Variants in CDC7 observed in about 807,000 individuals in gnomAD.
The protein encoded by CDC7 is cell division cycle 7-related protein kinase.
CDC7 carries 34 observed loss-of-function variants against 53.5 expected under a neutral mutation model. The ratio of observed to expected loss-of-function variants is 0.64; its 90% confidence interval spans 0.48 to 0.85. The LOEUF (loss-of-function observed/expected upper bound fraction) is 0.85. Among genes scored for constraint, CDC7 ranks in the 40% least tolerant of loss-of-function variants. The pLI is 0.00. For synonymous variants in CDC7, 211 were observed against 222.8 expected, an observed-to-expected ratio of 0.95 and a Z score of 0.47; for missense variants, 594 against 679.7, an observed-to-expected ratio of 0.87 and a Z score of 1.40.
chr1:91,525,694 C>T lies in CDC7; in HGVS notation c.*1259C>T, dbSNP rs1260190122. ...CCATTACCATTGATCTGTCTTATGC[C>T]ATAATCTTAAAAAAAATTTGAATGC... On this transcript the variant is annotated 3_prime_UTR_variant, in exon 12 of 12. Coordinates refer to ENST00000234626, the MANE Select transcript of CDC7 (RefSeq NM_003503.4). 1 of 151,250 alleles carries T rather than the reference C, an allele frequency of 6.6e-6. No homozygotes were observed. Among genetic ancestry groups the T allele is most frequent in the Non-Finnish European group, 1.5e-5 (1 of 67,752 alleles). 9.4% of individuals were successfully genotyped at this position (151,250 alleles called of 1,614,324 possible).
chr1:91,515,927 G>T (rs13447519), intron 10 of CDC7, 51 bp downstream of exon 10: 1 of 1,388,444 alleles, frequency 7.2e-7, no homozygotes. Context: ...TGTTCCAGAC[G>T]TATTTTATTT....
chr1:91,521,849 A>G (rs1667964112), intron 11 of CDC7, among the ~76,000 whole-genome samples: 1 of 151,060 alleles, frequency 6.6e-6, no homozygotes, highest in African/African-American at 2.4e-5. Context: ...TTAGAGATTT[A>G]TCATTGTAAT....
chr1:91,509,237 C>T (rs531100873), intron 4 of CDC7, among the ~76,000 whole-genome samples: 3 of 152,156 alleles, frequency 2.0e-5, no homozygotes, highest in African/African-American at 7.2e-5. Context: ...TAATGATTCC[C>T]AAAAGTATAT....
chr1:91,504,432 G>T (rs906440434), intron 2 of CDC7, among the ~76,000 whole-genome samples: 23 of 151,722 alleles, frequency 1.5e-4, no homozygotes, highest in African/African-American at 5.6e-4. Context: ...TTTTTTTTAA[G>T]TATCTACTAT....
At chr1:91,501,927 TAAAGTGAATTGTATG>T in intron 2 of CDC7, 96 bp downstream of exon 2, 4 of 887,668 alleles carry the variant, frequency 4.5e-6, no homozygotes, top group Non-Finnish European at 7.2e-6. Flanking sequence ...TTGAATCTTA[TAAAGTGAATTGTATG>T]TTTCTATAGG....
rs1301583185 is a variant in CDC7 at position 91,524,855 on chromosome 1, C to T, written c.*420C>T. ...CTAGGTATAGTTTGGGGAAACTCAACCTGGTGCTGGTGCTCTTAACAATTT... is the reference window on the plus strand; with the variant it reads ...CTAGGTATAGTTTGGGGAAACTCAATCTGGTGCTGGTGCTCTTAACAATTT... On this transcript the variant is annotated 3_prime_UTR_variant, in exon 12 of 12. Coordinates refer to ENST00000234626, the MANE Select transcript of CDC7 (RefSeq NM_003503.4). 1.9e-5 allele frequency: 3 copies of T among 154,872 alleles called. No homozygotes were observed. The highest frequency in any genetic ancestry group is 7.3e-5 in the African/African-American group (3 of 41,320). 9.6% of individuals were successfully genotyped at this position (154,872 alleles called of 1,614,324 possible).
At chr1:91,506,183 T>C (rs907000892) in intron 2 of CDC7, among the ~76,000 whole-genome samples, 11 of 151,940 alleles carry the variant, frequency 7.2e-5, no homozygotes, top group Admixed American at 6.6e-4. Context: ...TTTTGTTTGT[T>C]TGTTTGTTTT....
chr1:91,520,091 G>T (rs1458600374), intron 10 of CDC7, 39 bp from the exon 11 acceptor site: 11 of 1,489,496 alleles, frequency 7.4e-6, no homozygotes, highest in South Asian at 1.3e-5. Flanking sequence ...TAAAATTATA[G>T]ATTTGAAATT....
At chr1:91,508,041 C>A (rs1368915587) in intron 3 of CDC7, 104 bp downstream of exon 3, 3 of 1,009,886 alleles carry the variant, frequency 3.0e-6, no homozygotes, top group Non-Finnish European at 4.3e-6. Flanking sequence ...GAAAAATATA[C>A]CACTTTTTAG....
rs1333771903 is a variant in CDC7 at position 91,525,713 on chromosome 1, T to A, written c.*1278T>A. 1 of 151,958 alleles carries A rather than the reference T, an allele frequency of 6.6e-6. No individual in the cohort carries two copies. The highest frequency in any genetic ancestry group is 1.5e-5 in the Non-Finnish European group (1 of 67,918). 9.4% of individuals were successfully genotyped at this position (151,958 alleles called of 1,614,324 possible). A position where few individuals can be genotyped will look rare whatever the true frequency, so the allele number is the denominator to read the frequency against. ...TTATGCCATAATCTTAAAAAAAATTTGAATGCTCTTGAATTTGTATATTCA... is the reference window on the plus strand; with the variant it reads ...TTATGCCATAATCTTAAAAAAAATTAGAATGCTCTTGAATTTGTATATTCA... On this transcript the variant is annotated 3_prime_UTR_variant, in exon 12 of 12. Transcript: ENST00000234626.
intron 10 of CDC7, among the ~76,000 whole-genome samples, chr1:91,518,549 A>G (rs1397547301): frequency 1.3e-5 from 2 of 152,344 alleles, no homozygotes; most frequent in African/African-American, 2.4e-5. Flanking sequence ...TGGAAGTACT[A>G]TTCAGCCACG....
intron 2 of CDC7, among the ~76,000 whole-genome samples, chr1:91,502,590 T>C (rs1176655431): frequency 6.6e-6 from 1 of 152,234 alleles, no homozygotes; most frequent in Admixed American, 6.5e-5. Context: ...TGACATCACA[T>C]ACTTTCTGCT....
rs570397909 is a variant in CDC7, at chr1:91,511,644, A to C, written c.383A>C (p.Asp128Ala). The change falls in exon 5 of 12, where the codon GAT becomes GCT. Residue 128 changes from aspartate to alanine, a missense_variant. Transcript: ENST00000234626. ...GTTAAATACTGCTTTAGGAAGAATGATCATGTAGTTATTGCTATGCCATAT... is the reference window on the plus strand; with the variant it reads ...GTTAAATACTGCTTTAGGAAGAATGCTCATGTAGTTATTGCTATGCCATAT... ...MGVKYCFRKN[D>A]HVVIAMPYLE... The C allele has an allele frequency of 4.4e-5, 71 of 1,611,438 alleles. No homozygotes were observed. Among genetic ancestry groups the C allele is most frequent in the Non-Finnish European group, 5.9e-5 (70 of 1,178,158 alleles).
intron 11 of CDC7, among the ~76,000 whole-genome samples, chr1:91,521,772 C>T (rs912708733): frequency 3.3e-5 from 5 of 152,018 alleles, no homozygotes; most frequent in African/African-American, 1.2e-4. Context: ...TCAGGGCCAA[C>T]AATGGAAATA....
In CDC7 at chr1:91,513,950, G is replaced by C. The variant is rs1300330922; in HGVS notation, c.825G>C (p.Glu275Asp). 6.2e-7 allele frequency: 1 copy of C among 1,606,092 alleles called. No homozygotes were observed. Among genetic ancestry groups the C allele is most frequent in the South Asian group, 1.1e-5 (1 of 90,952 alleles). The change falls in exon 8 of 12, where the codon GAG (glutamate) becomes GAC (aspartate). Residue 275 changes from glutamate (E) to aspartate (D), a missense_variant and splice_region_variant. Physicochemically the swap from Glu to Asp is conservative, Grantham distance 45. Transcript: ENST00000234626. ...IQIKQGKDGK[E>D]GSVGLSVQRS... is the part of the protein sequence containing the mutation. The stretch of plus-strand genomic sequence containing the variant: ...CCTTGTTTTTGTTGGTATTGTAGGA[G>C]GGATCTGTAGGCCTTTCTGTCCAGC...
intron 11 of CDC7, among the ~76,000 whole-genome samples, chr1:91,523,631 G>A (rs1668103180): frequency 6.6e-6 from 1 of 152,136 alleles, no homozygotes; most frequent in Non-Finnish European, 1.5e-5. Context: ...GGGCACACAA[G>A]GGGTGCAGGG....
chr1:91,520,062 G>C, intron 10 of CDC7, 68 bp from the exon 11 acceptor site: 1 of 1,253,810 alleles, frequency 8.0e-7, no homozygotes, highest in Non-Finnish European at 1.1e-6. Flanking sequence ...TAAATGTTGA[G>C]GACTATTGAT....
In CDC7 at chr1:91,507,941, A is replaced by G; in HGVS notation, c.199+4A>G. ...ATTGAGGACAAAATTGGAGAAGGTA[A>G]TCTGGGGATATGCTTTTACTATTTT... On this transcript the variant is annotated splice_donor_region_variant and intron_variant, in intron 3 of 11. Transcript: ENST00000234626. 1.3e-6 allele frequency: 2 copies of G among 1,561,428 alleles called. No homozygotes were observed. The highest frequency in any genetic ancestry group is 1.7e-6 in the Non-Finnish European group (2 of 1,154,070).
At chr1:91,519,173 G>T (rs181491586) in intron 10 of CDC7, among the ~76,000 whole-genome samples, 17 of 151,392 alleles carry the variant, frequency 1.1e-4, no homozygotes, top group Middle Eastern at 3.4e-3. Context: ...TACTTTGAGG[G>T]GCTGAGGCAG....
Sources: gnomAD v4.1 joint callset for allele counts (sites outside exome capture counted in the v4.1 genomes callset) on GRCh38, gnomAD v4.1.1 for gene constraint, MANE v1.5 for transcripts, NCBI Gene and HGNC (gene_info 2026-07-23, HGNC 2026-07-21) for gene names.